The following PRICKLE2 variants were observed in gnomAD, a reference collection of about 807,000 sequenced individuals.
PRICKLE2 encodes the protein prickle-like protein 2.
In PRICKLE2, 21 loss-of-function variants were observed where a neutral mutation model predicts 81.4. The observed-to-expected ratio is 0.26, with a 90% CI of 0.18 to 0.37. PRICKLE2 has a LOEUF of 0.37. Ranked by LOEUF, PRICKLE2 falls within the 10% of genes least tolerant of loss-of-function variation. PRICKLE2 has a pLI of 1.00. For missense variants in PRICKLE2, 940 were observed against 1,109.0 expected (o/e 0.85, Z 2.16); for synonymous variants, 456 against 421.5 (o/e 1.08, Z -1.00).
At chr3:64,157,573 G>C (rs1408448295) in intron 4 of PRICKLE2, among the ~76,000 whole-genome samples, 2 of 152,192 alleles carry the variant, frequency 1.3e-5, no homozygotes, top group Non-Finnish European at 2.9e-5. Flanking sequence ...ATAATGTAGA[G>C]AGAAAGTCAT....
intron 2 of PRICKLE2, among the ~76,000 whole-genome samples, chr3:64,267,399 C>A (rs940728587): frequency 1.3e-5 from 2 of 150,818 alleles, no homozygotes; most frequent in African/African-American, 4.8e-5. Flanking sequence ...CAACTTTTAT[C>A]TTTTCGGGGA....
At chr3:64,195,781 T>G (rs913077181) in intron 2 of PRICKLE2, among the ~76,000 whole-genome samples, 2 of 152,204 alleles carry the variant, frequency 1.3e-5, no homozygotes, top group African/African-American at 4.8e-5. Flanking sequence ...TATGACCCCT[T>G]CAAACACCAT....
chr3:64,224,545 G>A (rs908886440), intron 1 of PRICKLE2, among the ~76,000 whole-genome samples: 1 of 152,198 alleles, frequency 6.6e-6, no homozygotes, highest in Non-Finnish European at 1.5e-5. Flanking sequence ...CTGACATCAT[G>A]TGTTGAAATG....
chr3:64,168,131 G>A (rs1045248531), intron 2 of PRICKLE2, among the ~76,000 whole-genome samples: 5 of 152,250 alleles, frequency 3.3e-5, no homozygotes, highest in Admixed American at 6.5e-5. Context: ...AAATCCTAAG[G>A]GCAAAGTGCT....
intron 5 of PRICKLE2, 96 bp downstream of exon 5, chr3:64,157,066 T>C: frequency 8.6e-7 from 1 of 1,157,160 alleles, no homozygotes; most frequent in Non-Finnish European, 1.3e-6. Context: ...AAGTTGCCTA[T>C]GGCTTTCTTC....
chr3:64,159,883 G>A, intron 4 of PRICKLE2, 57 bp downstream of exon 4: 1 of 1,607,800 alleles, frequency 6.2e-7, no homozygotes, highest in Admixed American at 1.7e-5. Flanking sequence ...TTGGATGAAT[G>A]AATGGGTGAA....
intron 7 of PRICKLE2, among the ~76,000 whole-genome samples, chr3:64,108,701 AG>A (rs2076795735): frequency 1.3e-5 from 2 of 152,302 alleles, no homozygotes; most frequent in South Asian, 4.1e-4. Flanking sequence ...CATGTTCATG[AG>A]AGTTAGAGGA....
At position 64,198,990 on chromosome 3, in the gene PRICKLE2, G is replaced by A. The variant is rs78697734; in HGVS notation, c.-40-23C>T. The A allele has an allele frequency of 3.1e-6, 5 of 1,611,092 alleles. No homozygotes were observed. The African/African-American group carries it at 5.3e-5, about 17-fold the overall frequency. Reference sequence around the variant, plus strand: ...TTCCTGCAGGCAGTAAAGGTAGAAGGTGAGAAAGAGGAAAAAACCTTTTTT... The same window carrying A: ...TTCCTGCAGGCAGTAAAGGTAGAAGATGAGAAAGAGGAAAAAACCTTTTTT... On this transcript the variant is annotated intron_variant, in intron 1 of 7. Transcript: ENST00000638394.
chr3:64,216,908 T>C (rs1406075043), intron 1 of PRICKLE2, among the ~76,000 whole-genome samples: 3 of 152,212 alleles, frequency 2.0e-5, no homozygotes, highest in Non-Finnish European at 2.9e-5. Context: ...TTCCAGTCCG[T>C]GGCAAGCTTC....
chr3:64,156,927 A>C (rs1452198027), intron 5 of PRICKLE2, among the ~76,000 whole-genome samples: 1 of 152,206 alleles, frequency 6.6e-6, no homozygotes, highest in Non-Finnish European at 1.5e-5. Context: ...CTTCATGGAT[A>C]CAGAAACTGC....
intron 5 of PRICKLE2, among the ~76,000 whole-genome samples, chr3:64,156,775 AT>A: frequency 6.6e-6 from 1 of 152,326 alleles, no homozygotes; most frequent in East Asian, 1.9e-4. Context: ...AAATGAAACA[AT>A]TTTAAGATAT....
chr3:64,178,523 C>T (rs561057430), intron 2 of PRICKLE2, among the ~76,000 whole-genome samples: 2 of 152,292 alleles, frequency 1.3e-5, no homozygotes, highest in African/African-American at 4.8e-5. Context: ...TAACTTTAAA[C>T]GGACTGAGAA....
chr3:64,143,950 A>ATT (rs34605013), intron 7 of PRICKLE2, among the ~76,000 whole-genome samples: 8,138 of 143,280 alleles, frequency 0.057, 285 homozygotes, highest in Non-Finnish European at 0.08. Context: ...CCAAGGCCTC[A>ATT]TTTTTTTTTT....
intron 1 of PRICKLE2, among the ~76,000 whole-genome samples, chr3:64,203,867 A>G (rs2078632820): frequency 6.6e-6 from 1 of 151,630 alleles, no homozygotes; most frequent in Non-Finnish European, 1.5e-5. Context: ...AGTCCCAGCT[A>G]CTCAGGAGGT....
intron 7 of PRICKLE2, among the ~76,000 whole-genome samples, chr3:64,125,558 C>T (rs1423830247): frequency 6.6e-6 from 1 of 152,192 alleles, no homozygotes; most frequent in East Asian, 1.9e-4. Flanking sequence ...CAGCAGCCAA[C>T]AATATGGAGG....
chr3:64,136,777 G>A (rs1164919670), intron 7 of PRICKLE2, among the ~76,000 whole-genome samples: 1 of 152,026 alleles, frequency 6.6e-6, no homozygotes, highest in Non-Finnish European at 1.5e-5. Flanking sequence ...GGAAGGTCAA[G>A]GTCAAGTCAA....
chr3:64,149,030 G>C (rs1055958344), intron 6 of PRICKLE2, among the ~76,000 whole-genome samples: 4 of 152,228 alleles, frequency 2.6e-5, no homozygotes, highest in Admixed American at 1.3e-4. Context: ...CCCTCTGGGA[G>C]CGTAAGTACC....
intron 7 of PRICKLE2, among the ~76,000 whole-genome samples, chr3:64,114,790 G>A (rs1011278892): frequency 2.0e-5 from 3 of 152,162 alleles, no homozygotes; most frequent in Non-Finnish European, 4.4e-5. Flanking sequence ...AACCAACTTA[G>A]TAAACATACT....
intron 1 of PRICKLE2, among the ~76,000 whole-genome samples, chr3:64,212,537 G>T (rs1188719249): frequency 1.3e-5 from 2 of 152,120 alleles, no homozygotes; most frequent in African/African-American, 2.4e-5. Context: ...TACTTGTTTA[G>T]TCTCTACCTT....
Sources: gnomAD v4.1 joint callset for allele counts (sites outside exome capture counted in the v4.1 genomes callset) on GRCh38, gnomAD v4.1.1 for gene constraint, MANE v1.5 for transcripts, NCBI Gene and HGNC (gene_info 2026-07-23, HGNC 2026-07-21) for gene names.